Variants in MAGI1 observed in about 807,000 individuals in gnomAD.
The protein encoded by MAGI1 is membrane associated guanylate kinase, WW and PDZ domain containing 1.
MAGI1 carries 58 observed loss-of-function variants against 139.9 expected under a neutral mutation model. The ratio of observed to expected loss-of-function variants is 0.41; its 90% CI spans 0.34 to 0.52. The LOEUF (loss-of-function observed/expected upper bound fraction) is 0.52. MAGI1 is among the 20% of genes least tolerant of loss of function. MAGI1 has a pLI of 0.12. For missense variants in MAGI1, 1,874 were observed against 1,901.6 expected (o/e 0.99, Z 0.27); for synonymous variants, 812 against 737.9 (o/e 1.10, Z -1.63).
intron 2 of MAGI1, among the ~76,000 whole-genome samples, chr3:65,506,317 C>A (rs1389053840): frequency 6.6e-6 from 1 of 152,146 alleles, no homozygotes; most frequent in Non-Finnish European, 1.5e-5. Context: ...TATGCATTAA[C>A]CATGACAACA....
At chr3:65,357,954 T>C (rs538451189) in intron 22 of MAGI1, among the ~76,000 whole-genome samples, 2 of 152,262 alleles carry the variant, frequency 1.3e-5, no homozygotes, top group East Asian at 1.9e-4. Context: ...TTCTGATAGA[T>C]AAAAGGTAGG....
chr3:66,023,209 T>C (rs1240384966), intron 1 of MAGI1, among the ~76,000 whole-genome samples: 1 of 152,102 alleles, frequency 6.6e-6, no homozygotes, highest in East Asian at 1.9e-4. Flanking sequence ...TCCTAGACAG[T>C]CTATTGGAAT....
intron 2 of MAGI1, among the ~76,000 whole-genome samples, chr3:65,534,497 GAA>G (rs2078863321): frequency 6.6e-6 from 1 of 151,642 alleles, no homozygotes; most frequent in Admixed American, 6.6e-5. Context: ...CTCTAAAAAA[GAA>G]AAAAAGAGTG....
intron 2 of MAGI1, among the ~76,000 whole-genome samples, chr3:65,509,524 G>T (rs370498119): frequency 6.6e-6 from 1 of 152,264 alleles, no homozygotes; most frequent in East Asian, 1.9e-4. Context: ...TTCCCTTTCC[G>T]ACTCAAAGAA....
chr3:65,986,531 A>C (rs2065887754), intron 1 of MAGI1, among the ~76,000 whole-genome samples: 1 of 152,184 alleles, frequency 6.6e-6, no homozygotes, highest in Admixed American at 6.5e-5. Context: ...GTGCAAGTGC[A>C]CACAGCCTTG....
intron 1 of MAGI1, among the ~76,000 whole-genome samples, chr3:65,903,990 A>C (rs1235512238): frequency 1.3e-5 from 2 of 152,138 alleles, no homozygotes; most frequent in Non-Finnish European, 2.9e-5. Context: ...CCTGGGTGAC[A>C]GAGCAAGACT....
intron 1 of MAGI1, among the ~76,000 whole-genome samples, chr3:65,854,122 C>A (rs553386117): frequency 4.0e-5 from 6 of 151,108 alleles, no homozygotes; most frequent in African/African-American, 1.2e-4. Context: ...AAAAAAGTTG[C>A]CCTGACAAAA....
At chr3:66,027,164 A>G (rs1209116529) in intron 1 of MAGI1, among the ~76,000 whole-genome samples, 3 of 151,870 alleles carry the variant, frequency 2.0e-5, no homozygotes, top group Non-Finnish European at 4.4e-5. Context: ...GCTACTCGAG[A>G]GGCTGAGGCA....
At chr3:65,507,613 A>C (rs62255284) in intron 2 of MAGI1, among the ~76,000 whole-genome samples, 1 of 152,216 alleles carries the variant, frequency 6.6e-6, no homozygotes, top group Non-Finnish European at 1.5e-5. Flanking sequence ...ACCTTATCTA[A>C]TGTTTGCCAA....
At chr3:65,365,052 T>G in intron 18 of MAGI1, 106 bp from the exon 19 acceptor site, 1 of 879,580 alleles carries the variant, frequency 1.1e-6, no homozygotes, top group Non-Finnish European at 2.0e-6. Flanking sequence ...GTGACTTCTC[T>G]GTCCCCATTT....
intron 22 of MAGI1, chr3:65,360,355 T>C: frequency 6.2e-6 from 6 of 961,772 alleles, no homozygotes; most frequent in Non-Finnish European, 7.4e-6. Flanking sequence ...CTTCTTCTTT[T>C]TTTTTTTTTT....
intron 1 of MAGI1, among the ~76,000 whole-genome samples, chr3:65,716,449 C>T (rs1254253719): frequency 6.6e-6 from 1 of 152,030 alleles, no homozygotes; most frequent in African/African-American, 2.4e-5. Context: ...GTGCAGTGCA[C>T]AAAAATGAGG....
chr3:65,490,379 T>C (rs898191021), intron 3 of MAGI1, among the ~76,000 whole-genome samples: 6 of 152,060 alleles, frequency 3.9e-5, no homozygotes, highest in African/African-American at 1.2e-4. Context: ...TGTCCACCAA[T>C]AGACAGCAGC....
Position 65,522,974 on chromosome 3 carries a change from G to A in MAGI1, c.431-29343C>T, listed in dbSNP as rs375508401. Among the ~76,000 whole-genome samples the A allele has an allele frequency of 1.9e-4, 29 of 152,158 alleles. 1 individual carries two copies. The South Asian group carries it at 6.0e-3, about 32-fold the overall frequency. The stretch of plus-strand genomic sequence containing the variant: ...GAACCTTGTCTGATACAAAAAGGTT[G>A]GGCTTAGTATCATTACTATGGGTTC... On this transcript the variant is annotated intron_variant, in intron 2 of 22. Coordinates refer to ENST00000402939, the MANE Select transcript of MAGI1 (RefSeq NM_001033057.2).
chr3:65,966,103 T>G (rs1003740655), intron 1 of MAGI1, among the ~76,000 whole-genome samples: 1 of 152,202 alleles, frequency 6.6e-6, no homozygotes, highest in African/African-American at 2.4e-5. Flanking sequence ...TATACTTATT[T>G]CTATTTTCTA....
intron 1 of MAGI1, among the ~76,000 whole-genome samples, chr3:65,707,826 A>C (rs903196051): frequency 3.3e-5 from 5 of 152,242 alleles, no homozygotes; most frequent in African/African-American, 9.6e-5. Context: ...TAAAACCTTT[A>C]AACTATATTG....
At chr3:65,603,203 T>A (rs1159912654) in intron 2 of MAGI1, among the ~76,000 whole-genome samples, 4 of 152,138 alleles carry the variant, frequency 2.6e-5, no homozygotes, top group African/African-American at 9.7e-5. Context: ...TGTGATACCC[T>A]TTATACAACT....
chr3:65,796,593 A>G (rs976970960), intron 1 of MAGI1, among the ~76,000 whole-genome samples: 4 of 152,214 alleles, frequency 2.6e-5, no homozygotes, highest in South Asian at 4.1e-4. Flanking sequence ...TTAGCTATTA[A>G]TAAGTTTTGC....
intron 1 of MAGI1, among the ~76,000 whole-genome samples, chr3:65,838,978 T>C (rs184195084): frequency 9.2e-5 from 14 of 152,364 alleles, no homozygotes; most frequent in Admixed American, 6.5e-4. Context: ...GTTAGTAATG[T>C]TGAACATCTT....
Sources: gnomAD v4.1 joint callset for allele counts (sites outside exome capture counted in the v4.1 genomes callset) on GRCh38, gnomAD v4.1.1 for gene constraint, MANE v1.5 for transcripts, NCBI Gene and HGNC (gene_info 2026-07-23, HGNC 2026-07-21) for gene names.